Variants in RSPH6A observed in about 807,000 individuals in gnomAD.
RSPH6A encodes radial spoke head protein 6 homolog A.
In RSPH6A, 49 loss-of-function variants were observed where a neutral mutation model predicts 66.1. That is an observed-to-expected ratio of 0.74 (90% CI 0.59 to 0.94). RSPH6A has a LOEUF of 0.94. Ranked by LOEUF, RSPH6A falls within the 40% of genes least tolerant of loss-of-function variation. The pLI, the probability that RSPH6A is intolerant of heterozygous loss-of-function variation, is 0.00. For missense variants in RSPH6A, 977 were observed against 948.3 expected (o/e 1.03, Z -0.40); for synonymous variants, 419 against 402.4 (o/e 1.04, Z -0.49).
rs1237335737 is a variant in RSPH6A, at chr19:45,804,036, A to AG, written c.1653+215dup. ...AGAAAAGAAAAGAAAAAGAAAAAAA[A>AG]GAAGAAAGAAAGAAAAGAAAAAAAA... On this transcript the variant is annotated intron_variant, in intron 3 of 5. Transcript: ENST00000221538. This position sits in a 1 kb window ranked among gnomAD's most constrained non-coding sequence, Gnocchi z 5.8. 1.3e-5 allele frequency among the ~76,000 whole-genome samples: 2 copies of AG among 152,056 alleles called. No homozygotes were observed. Among genetic ancestry groups the AG allele is most frequent in the African/African-American group, 2.4e-5 (1 of 41,530 alleles).
intron 1 of RSPH6A, 30 bp from the exon 2 acceptor site, chr19:45,810,870 G>T (rs897500773): frequency 6.4e-7 from 1 of 1,562,522 alleles, no homozygotes. Flanking sequence ...TGGGAGGAGA[G>T]GGACCTCACT....
chr19:45,811,283 C>T (rs993708330), intron 1 of RSPH6A, among the ~76,000 whole-genome samples: 13 of 151,832 alleles, frequency 8.6e-5, no homozygotes, highest in African/African-American at 2.9e-4. Flanking sequence ...TGAGCCACCG[C>T]GCCTTGCCGA....
In RSPH6A at chr19:45,814,454, T is replaced by A. The variant is rs1970673370; in HGVS notation, c.650+73A>T. 12 of 1,374,456 alleles carry A rather than the reference T, an allele frequency of 8.7e-6. No homozygotes were observed. The Admixed American group carries it at 3.2e-4, about 36-fold the overall frequency. 85.1% of individuals were successfully genotyped at this position (1,374,456 alleles called of 1,614,324 possible). A position where few individuals can be genotyped will look rare whatever the true frequency, so the allele number is the denominator to read the frequency against. On this transcript the variant is annotated intron_variant, in intron 1 of 5. Transcript: ENST00000221538. ...AGGGATGATCCCTTGTCTGACTGAC[T>A]GAGGCAGGCACTTCGGGTGGGGCCC... is the stretch of plus-strand genomic sequence containing the variant.
In RSPH6A at chr19:45,802,263, C is replaced by A; in HGVS notation, c.1655G>T (p.Gly552Val). The A allele has an allele frequency of 7.2e-7, 1 of 1,391,898 alleles. No homozygotes were observed. Among genetic ancestry groups the A allele is most frequent in the Non-Finnish European group, 9.5e-7 (1 of 1,057,668 alleles). The allele number at this position is 1,391,898 out of a possible 1,614,324, so 86.2% of individuals were successfully genotyped here. A position where few individuals can be genotyped will look rare whatever the true frequency, so the allele number is the denominator to read the frequency against. ...CAAAGGGTTCACCCAAGTGCAGCGG[C>A]CCTGGGGGTGGGGGGAAGCTCAGGT... is the stretch of plus-strand genomic sequence containing the variant. ...VHHTQHILPQ[G>V]RCTWVNPLQK... is the part of the protein sequence containing the mutation. The change falls in exon 4 of 6, where the codon GGC becomes GTC. Residue 552 changes from glycine to valine, a missense_variant and splice_region_variant. By Grantham distance (109) the Gly-to-Val change is moderately radical. Transcript: ENST00000221538.
rs755723894 is a variant in RSPH6A, at chr19:45,804,378, C to G, written c.1527G>C (p.Glu509Asp). Residue 509 changes from glutamate (E) to aspartate (D), a missense_variant, in exon 3 of 6, where the codon GAG becomes GAC. Glu to Asp is a conservative substitution (Grantham distance 45). Transcript: ENST00000221538. The surrounding 1 kb of genome is among the most constrained non-coding windows in gnomAD (Gnocchi z 5.8). Reference sequence around the variant, plus strand: ...CGCGCCCAGCACCACCTTCCTCCTCCTCGTCGCCCTCCTCCTCACTAAACT... The same window carrying G: ...CGCGCCCAGCACCACCTTCCTCCTCGTCGTCGCCCTCCTCCTCACTAAACT... ...FYQFSEEEGDEEEEGGAGRDS... is the reference protein window; with the variant it reads ...FYQFSEEEGDDEEEGGAGRDS... 18 of 1,614,230 alleles carry G rather than the reference C, an allele frequency of 1.1e-5. No homozygotes were observed. The highest frequency in any genetic ancestry group is 1.5e-5 in the Non-Finnish European group (18 of 1,180,038).
In RSPH6A at chr19:45,802,182, C is replaced by T; in HGVS notation, c.1736G>A (p.Gly579Glu). 1.3e-6 allele frequency: 2 copies of T among 1,557,216 alleles called. No homozygotes were observed. The highest frequency in any genetic ancestry group is 1.7e-6 in the Non-Finnish European group (2 of 1,147,586). Residue 579 changes from glycine (G) to glutamate (E), a missense_variant, in exon 4 of 6, where the codon GGG becomes GAG. Gly to Glu is a moderately conservative substitution (Grantham distance 98). Coordinates refer to ENST00000221538, the MANE Select transcript of RSPH6A (RefSeq NM_030785.4). ...LGEEEEKADEGPEEVEQEVGP... is the reference protein window; with the variant it reads ...LGEEEEKADEEPEEVEQEVGP... ...AACCTCCTGCTCCACCTCCTCTGGC[C>T]CCTCATCTGCCTTCTCTTCCTCCTC... is the stretch of plus-strand genomic sequence containing the variant.
rs937223405 is a variant in RSPH6A, at chr19:45,795,916, C to G, written c.2107G>C (p.Glu703Gln). The G allele has an allele frequency of 1.2e-6, 2 of 1,613,526 alleles. No homozygotes were observed. Among genetic ancestry groups the G allele is most frequent in the African/African-American group, 2.7e-5 (2 of 74,780 alleles). Residue 703 changes from glutamate (E) to glutamine (Q), a missense_variant, in exon 6 of 6, where the codon GAG becomes CAG. Transcript: ENST00000221538. The part of the protein sequence containing the change: ...QEQALGATEE[E>Q]EEGEEEEEGE... ...TCCTCCTCCTCCTCGCCCTCCTCCTCCTCCTCTGTGGCTCCCAGGGCTTGT... is the reference window on the plus strand; with the variant it reads ...TCCTCCTCCTCCTCGCCCTCCTCCTGCTCCTCTGTGGCTCCCAGGGCTTGT...
chr19:45,800,581 C>T lies in RSPH6A; in HGVS notation c.1799-18G>A. 6.3e-7 allele frequency: 1 copy of T among 1,599,408 alleles called. No individual in the cohort carries two copies. The highest frequency in any genetic ancestry group is 8.5e-7 in the Non-Finnish European group (1 of 1,171,428). On this transcript the variant is annotated intron_variant, in intron 4 of 5. Transcript: ENST00000221538. ...CATGATTTCTGTGGTGGAGAGGCAG[C>T]AGAGGGGGGCAGCAGGGTCAGGGAG...
intron 1 of RSPH6A, 158 bp from the exon 2 acceptor site, chr19:45,810,998 A>C: frequency 2.0e-6 from 1 of 499,664 alleles, no homozygotes; most frequent in Non-Finnish European, 3.5e-6. Context: ...ATTTATTTTT[A>C]TTTATTTAGT....
Position 45,804,659 on chromosome 19 carries a change from T to C in RSPH6A, c.1246A>G (p.Lys416Glu). The part of the protein sequence containing the change: ...SVWKPPPVIP[K>E]EESRSGANKY... The stretch of plus-strand genomic sequence containing the variant: ...TTGGCGCCTGAGCGGCTCTCCTCCT[T>C]GGGGATCACGGGCGGCGGCTTCCAT... The change falls in exon 3 of 6, where the codon AAG becomes GAG. Residue 416 changes from lysine to glutamate, a missense_variant. Coordinates refer to ENST00000221538, the MANE Select transcript of RSPH6A (RefSeq NM_030785.4). The surrounding 1 kb of genome is among the most constrained non-coding windows in gnomAD (Gnocchi z 5.8). The C allele has an allele frequency of 1.9e-6, 3 of 1,613,996 alleles. No individual in the cohort carries two copies. Among genetic ancestry groups the C allele is most frequent in the Middle Eastern group, 1.6e-4 (1 of 6,062 alleles).
At position 45,814,538 on chromosome 19, in the gene RSPH6A, G is replaced by A. The variant is rs745728424; in HGVS notation, c.639C>T (p.Cys213=). 7 of 1,504,448 alleles carry A rather than the reference G, an allele frequency of 4.7e-6. No homozygotes were observed. The highest frequency in any genetic ancestry group is 4.6e-5 in the East Asian group (2 of 43,154). The allele number at this position is 1,504,448 out of a possible 1,614,324, so 93.2% of individuals were successfully genotyped here. A position where few individuals can be genotyped will look rare whatever the true frequency, so the allele number is the denominator to read the frequency against. ...KAYLLQTSIN[C]DLSLYEHLVN... The stretch of plus-strand genomic sequence containing the variant: ...TAGCCCCTGCTCACAGGCTGAGGTC[G>A]CAATTGATGCTGGTCTGCAGCAGGT... Residue 213 remains cysteine (C), a synonymous_variant, in exon 1 of 6, where the codon TGC becomes TGT. Transcript: ENST00000221538.
chr19:45,807,051 A>G (rs12462570), intron 2 of RSPH6A, among the ~76,000 whole-genome samples: 132,064 of 151,090 alleles, frequency 0.87, 57,919 homozygotes, highest in African/African-American at 0.95. Context: ...GCACCACCAC[A>G]CCCAGCTAAT....
chr19:45,800,761 C>T (rs1442209433), intron 4 of RSPH6A, among the ~76,000 whole-genome samples, 198 bp from the exon 5 acceptor site: 2 of 119,522 alleles, frequency 1.7e-5, no homozygotes, highest in Non-Finnish European at 3.8e-5. Flanking sequence ...CACACACACA[C>T]ACACACACAC....
Position 45,796,087 on chromosome 19 carries a change from T to C in RSPH6A, c.1936A>G (p.Ile646Val), listed in dbSNP as rs374276879. ...ASGKKFENIY[I>V]GWGHKYSPES... ...GGGCTGTACTTGTGACCCCAGCCGATGTAGATGTTCTCAAACTTTCTGGAG... is the reference window on the plus strand; with the variant it reads ...GGGCTGTACTTGTGACCCCAGCCGACGTAGATGTTCTCAAACTTTCTGGAG... The change falls in exon 6 of 6, where the codon ATC becomes GTC. Residue 646 changes from isoleucine to valine, a missense_variant. Ile to Val is a conservative substitution (Grantham distance 29). Coordinates refer to ENST00000221538, the MANE Select transcript of RSPH6A (RefSeq NM_030785.4). 149 of 1,579,336 alleles carry C rather than the reference T, an allele frequency of 9.4e-5. 2 individuals carry two copies. The South Asian group carries it at 1.6e-3, about 17-fold the overall frequency.
intron 5 of RSPH6A, among the ~76,000 whole-genome samples, chr19:45,797,181 C>A (rs1014425765): frequency 5.9e-5 from 9 of 151,388 alleles, no homozygotes; most frequent in African/African-American, 1.7e-4. Flanking sequence ...TCGAGACCAG[C>A]CTAGCTAACA....
chr19:45,797,841 C>A (rs1466815447), intron 5 of RSPH6A, among the ~76,000 whole-genome samples: 1 of 151,942 alleles, frequency 6.6e-6, no homozygotes, highest in African/African-American at 2.4e-5. Context: ...GTACTCCAGC[C>A]TGGGCGACAC....
rs1259028045 is a variant in RSPH6A at position 45,795,802 on chromosome 19, A to T, written c.*67T>A. On this transcript the variant is annotated 3_prime_UTR_variant, in exon 6 of 6. Transcript: ENST00000221538. ...GAAGCACATAGTGAAAATATAATCCATGCTAACTACCTCTAAGGGGAAATT... is the reference window on the plus strand; with the variant it reads ...GAAGCACATAGTGAAAATATAATCCTTGCTAACTACCTCTAAGGGGAAATT... 2 of 1,395,270 alleles carry T rather than the reference A, an allele frequency of 1.4e-6. No homozygotes were observed. Among genetic ancestry groups the T allele is most frequent in the Non-Finnish European group, 2.0e-6 (2 of 1,016,844 alleles). The allele number at this position is 1,395,270 out of a possible 1,614,324, so 86.4% of individuals were successfully genotyped here. A position where few individuals can be genotyped will look rare whatever the true frequency, so the allele number is the denominator to read the frequency against.
intron 5 of RSPH6A, among the ~76,000 whole-genome samples, chr19:45,798,289 G>A (rs932796064): frequency 9.9e-5 from 15 of 152,102 alleles, no homozygotes; most frequent in Admixed American, 3.3e-4. Flanking sequence ...AACCTGGGAG[G>A]CGGAGGATGC....
In RSPH6A at chr19:45,804,529, A is replaced by G; in HGVS notation, c.1376T>C (p.Phe459Ser). 6.2e-7 allele frequency: 1 copy of G among 1,614,144 alleles called. No homozygotes were observed. Among genetic ancestry groups the G allele is most frequent in the Non-Finnish European group, 8.5e-7 (1 of 1,180,014 alleles). The change falls in exon 3 of 6, where the codon TTC becomes TCC. Residue 459 changes from phenylalanine (F) to serine (S), a missense_variant. By Grantham distance (155) the Phe-to-Ser change is radical (BLOSUM62 -2). Coordinates refer to ENST00000221538, the MANE Select transcript of RSPH6A (RefSeq NM_030785.4). The surrounding 1 kb of genome is among the most constrained non-coding windows in gnomAD (Gnocchi z 5.8). The stretch of plus-strand genomic sequence containing the variant: ...GACTGGCGTGTCCAGGTAGCCTGTG[A>G]AGAACTTCTTGATCTTTCGGGCGTT... ...IVNARKIKKF[F>S]TGYLDTPVVS...
Sources: gnomAD v4.1 joint callset for allele counts (sites outside exome capture counted in the v4.1 genomes callset) on GRCh38, gnomAD v4.1.1 for gene constraint, Gnocchi (gnomAD v3.1) non-coding constraint, MANE v1.5 for transcripts, NCBI Gene and HGNC (gene_info 2026-07-23, HGNC 2026-07-21) for gene names.